The following SAR1A variants were observed in gnomAD, a reference collection of about 807,000 sequenced individuals.
SAR1A encodes secretion associated Ras related GTPase 1A.
In SAR1A, 6 loss-of-function variants were observed where a neutral mutation model predicts 22.6. The observed-to-expected ratio is 0.27, with a 90% CI of 0.15 to 0.52. The LOEUF (loss-of-function observed/expected upper bound fraction) is 0.52. Among genes scored for constraint, SAR1A ranks in the 20% least tolerant of loss-of-function variants. SAR1A has a pLI of 0.96. For missense variants in SAR1A, 145 were observed against 245.1 expected, an observed-to-expected ratio of 0.59 and a Z score of 2.73; for synonymous variants, 70 against 82.2, an observed-to-expected ratio of 0.85 and a Z score of 0.80.
Position 70,149,571 on chromosome 10 carries a change from A to ATTTTTTTTTTT in SAR1A, c.*2904_*2905insAAAAAAAAAAA. The ATTTTTTTTTTT allele has an allele frequency of 4.0e-4, 1 of 2,516 alleles. No homozygotes were observed. Among genetic ancestry groups the ATTTTTTTTTTT allele is most frequent in the East Asian group, 4.9e-3 (1 of 204 alleles). The allele number at this position is 2,516 out of a possible 1,614,324, so 0.2% of individuals were successfully genotyped here. ...GATTTTTTTTTTTTTTTTTTTTTTG[A>ATTTTTTTTTTT]GCTAGAGAGAGTCTTGCTCTGTCAC... On this transcript the variant is annotated 3_prime_UTR_variant, in exon 7 of 7. Coordinates refer to ENST00000373241, the MANE Select transcript of SAR1A (RefSeq NM_020150.5).
intron 1 of SAR1A, among the ~76,000 whole-genome samples, chr10:70,168,150 C>T (rs1186396680): frequency 6.6e-6 from 1 of 152,224 alleles, no homozygotes; most frequent in African/African-American, 2.4e-5. Flanking sequence ...ATCCAAGTAG[C>T]TAAATCCCGG....
rs759672297 is a variant in SAR1A at position 70,157,727 on chromosome 10, A to C, written c.348+37T>G. On this transcript the variant is annotated intron_variant, in intron 5 of 6. Transcript: ENST00000373241. ...AAAATAGAGGCCAAAAAAGAACAAA[A>C]TATACATTAAAATACACATTAAAGG... 1.3e-5 allele frequency: 20 copies of C among 1,496,072 alleles called. No individual in the cohort carries two copies. The Admixed American group carries it at 3.5e-4, about 26-fold the overall frequency. 92.7% of individuals were successfully genotyped at this position (1,496,072 alleles called of 1,614,324 possible). A position where few individuals can be genotyped will look rare whatever the true frequency, so the allele number is the denominator to read the frequency against.
chr10:70,155,141 C>A (rs745677024), intron 5 of SAR1A: 3 of 520,578 alleles, frequency 5.8e-6, no homozygotes. Context: ...GACCACAAAT[C>A]CAGAAGTTAG....
intron 1 of SAR1A, among the ~76,000 whole-genome samples, chr10:70,165,878 T>G (rs1839543107): frequency 6.6e-6 from 1 of 152,232 alleles, no homozygotes; most frequent in Non-Finnish European, 1.5e-5. Flanking sequence ...CATTAACTGA[T>G]GCAACAAACT....
At position 70,157,706 on chromosome 10, in the gene SAR1A, T is replaced by G. The variant is rs768282967; in HGVS notation, c.348+58A>C. ...CTGAGCTATATTCCTTAAAAAAAAA[T>G]AGAGGCCAAAAAAGAACAAAATATA... On this transcript the variant is annotated intron_variant, in intron 5 of 6. Transcript: ENST00000373241. 18 of 1,294,620 alleles carry G rather than the reference T, an allele frequency of 1.4e-5. No individual in the cohort carries two copies. The South Asian group carries it at 2.4e-4, about 17-fold the overall frequency. 80.2% of individuals were successfully genotyped at this position (1,294,620 alleles called of 1,614,324 possible). A position where few individuals can be genotyped will look rare whatever the true frequency, so the allele number is the denominator to read the frequency against.
intron 5 of SAR1A, among the ~76,000 whole-genome samples, chr10:70,155,774 G>A (rs1294783629): frequency 6.6e-6 from 1 of 152,174 alleles, no homozygotes; most frequent in Non-Finnish European, 1.5e-5. Context: ...AGAGGTACAG[G>A]TGAAAAAGCC....
intron 3 of SAR1A, 130 bp downstream of exon 3, chr10:70,161,489 G>A (rs1839466995): frequency 3.0e-6 from 3 of 1,012,088 alleles, no homozygotes; most frequent in Admixed American, 5.2e-5. Context: ...TGTCTTACAG[G>A]GAACTTTCTC....
rs1434020194 is a variant in SAR1A at position 70,150,288 on chromosome 10, C to T, written c.*2188G>A. On this transcript the variant is annotated 3_prime_UTR_variant, in exon 7 of 7. Transcript: ENST00000373241. ...CTGTTTTACTTTTCCTGAAGTAGGA[C>T]ATATATGCACTCTGATAAAACAGAA... 3 of 152,124 alleles carry T rather than the reference C, an allele frequency of 2.0e-5. No individual in the cohort carries two copies. In the East Asian group the frequency reaches 5.8e-4, roughly 29 times the overall value. The allele number at this position is 152,124 out of a possible 1,614,324, so 9.4% of individuals were successfully genotyped here.
intron 5 of SAR1A, among the ~76,000 whole-genome samples, chr10:70,154,560 C>T (rs574100952): frequency 6.6e-6 from 1 of 151,716 alleles, no homozygotes; most frequent in African/African-American, 2.4e-5. Flanking sequence ...CAGGTTCAAG[C>T]GATTCTCCCA....
Position 70,148,920 on chromosome 10 carries a change from G to T in SAR1A, c.*3556C>A, listed in dbSNP as rs1175060177. On this transcript the variant is annotated 3_prime_UTR_variant, in exon 7 of 7. Coordinates refer to ENST00000373241, the MANE Select transcript of SAR1A (RefSeq NM_020150.5). ...TGTTTACAGCAGACCATGGTAAAAAGAAGTCCCAAGTCACAGCCAGAACGC... is the reference window on the plus strand; with the variant it reads ...TGTTTACAGCAGACCATGGTAAAAATAAGTCCCAAGTCACAGCCAGAACGC... 5 of 152,352 alleles carry T rather than the reference G, an allele frequency of 3.3e-5. No homozygotes were observed. Among genetic ancestry groups the T allele is most frequent in the African/African-American group, 1.2e-4 (5 of 41,446 alleles). The allele number at this position is 152,352 out of a possible 1,614,324, so 9.4% of individuals were successfully genotyped here. A position where few individuals can be genotyped will look rare whatever the true frequency, so the allele number is the denominator to read the frequency against.
chr10:70,157,576 T>C (rs1391113095), intron 5 of SAR1A, 188 bp downstream of exon 5: 2 of 532,934 alleles, frequency 3.8e-6, no homozygotes, highest in African/African-American at 3.8e-5. Flanking sequence ...TTGAGCTGAG[T>C]TTCCTCAGGA....
intron 5 of SAR1A, among the ~76,000 whole-genome samples, chr10:70,154,298 C>G (rs1266124664): frequency 6.6e-6 from 1 of 152,196 alleles, no homozygotes; most frequent in African/African-American, 2.4e-5. Context: ...CAGCAAAGTC[C>G]TATAAGAATG....
At chr10:70,166,438 A>G (rs1839551612) in intron 1 of SAR1A, among the ~76,000 whole-genome samples, 1 of 152,202 alleles carries the variant, frequency 6.6e-6, no homozygotes, top group Admixed American at 6.5e-5. Flanking sequence ...TTGAATGAAA[A>G]ACATATTAAT....
chr10:70,153,007 G>A (rs1390700589), intron 6 of SAR1A, among the ~76,000 whole-genome samples: 1 of 152,152 alleles, frequency 6.6e-6, no homozygotes, highest in East Asian at 1.9e-4. Context: ...CTGAAGAAAT[G>A]AAGAATTCAT....
At chr10:70,157,986 A>T (rs1839416497) in intron 4 of SAR1A, 119 bp from the exon 5 acceptor site, 1 of 656,268 alleles carries the variant, frequency 1.5e-6, no homozygotes, top group Non-Finnish European at 2.6e-6. Context: ...GACTCTATGG[A>T]TTTCTCCAAG....
At position 70,151,388 on chromosome 10, in the gene SAR1A, C is replaced by A. The variant is rs1418567066; in HGVS notation, c.*1088G>T. On this transcript the variant is annotated 3_prime_UTR_variant, in exon 7 of 7. Coordinates refer to ENST00000373241, the MANE Select transcript of SAR1A (RefSeq NM_020150.5). ...AGAGCTCCCAAACAGCCTGAGAGAC[C>A]AAATTCTGCAAATGGAAATTTTAAA... 10 of 151,170 alleles carry A rather than the reference C, an allele frequency of 6.6e-5. No individual in the cohort carries two copies. Among genetic ancestry groups the A allele is most frequent in the African/African-American group, 2.4e-4 (10 of 41,118 alleles). The allele number at this position is 151,170 out of a possible 1,614,324, so 9.4% of individuals were successfully genotyped here. A position where few individuals can be genotyped will look rare whatever the true frequency, so the allele number is the denominator to read the frequency against.
intron 1 of SAR1A, among the ~76,000 whole-genome samples, chr10:70,170,064 C>T (rs1017752646): frequency 2.6e-5 from 4 of 152,082 alleles, no homozygotes; most frequent in African/African-American, 4.8e-5. Context: ...AGGGCTCCCA[C>T]CCGCCTCACC....
At position 70,147,435 on chromosome 10, in the gene SAR1A, CCATA is replaced by C. The variant is rs1191411313; in HGVS notation, c.*5037_*5040del. 2 of 152,246 alleles carry C rather than the reference CCATA, an allele frequency of 1.3e-5. No individual in the cohort carries two copies. The highest frequency in any genetic ancestry group is 4.8e-5 in the African/African-American group (2 of 41,526). The allele number at this position is 152,246 out of a possible 1,614,324, so 9.4% of individuals were successfully genotyped here. A position where few individuals can be genotyped will look rare whatever the true frequency, so the allele number is the denominator to read the frequency against. ...TGGAAACAGTTCCAGTTTGGGGGGA[CCATA>C]CAACTTGTCTCAAATAGTCAACTCT... On this transcript the variant is annotated 3_prime_UTR_variant, in exon 7 of 7. Transcript: ENST00000373241.
At chr10:70,163,982 T>G in intron 1 of SAR1A, 1 of 1,197,884 alleles carries the variant, frequency 8.3e-7, no homozygotes, top group Non-Finnish European at 1.2e-6. Context: ...GCAATGGCTA[T>G]ATTAGTGGTG....
Sources: allele counts gnomAD v4.1 joint callset (sites outside exome capture counted in the v4.1 genomes callset), GRCh38; gene constraint gnomAD v4.1.1; transcripts MANE v1.5; gene names NCBI Gene and HGNC (gene_info 2026-07-23, HGNC 2026-07-21).